Variants in GRIN2A observed in about 807,000 individuals in gnomAD.
GRIN2A encodes glutamate receptor ionotropic, NMDA 2A.
Under a neutral mutation model 113.4 loss-of-function variants are expected in GRIN2A, and 22 were observed. The ratio of observed to expected loss-of-function variants is 0.19; its 90% CI spans 0.14 to 0.28. The LOEUF is 0.28. Ranked by LOEUF, GRIN2A falls within the 10% of genes least tolerant of loss-of-function variation. The pLI is 1.00. For synonymous variants in GRIN2A, 827 were observed against 738.4 expected (o/e 1.12, Z -1.94); for missense variants, 1,502 against 1,887.0 (o/e 0.80, Z 3.78).
At chr16:9,841,850 G>T (rs559492388) in intron 5 of GRIN2A, among the ~76,000 whole-genome samples, 14 of 152,284 alleles carry the variant, frequency 9.2e-5, no homozygotes, top group Admixed American at 3.3e-4. Flanking sequence ...AAAGGCTATT[G>T]TATACTCTAC....
chr16:10,022,778 G>T (rs2046749774), intron 2 of GRIN2A, among the ~76,000 whole-genome samples: 1 of 152,160 alleles, frequency 6.6e-6, no homozygotes, highest in African/African-American at 2.4e-5. Context: ...ATCAGTCAAT[G>T]AACAACCACT....
rs114920410 is a variant in GRIN2A, at chr16:10,092,015, G to C, written c.414+87983C>G. Among the ~76,000 whole-genome samples the C allele has an allele frequency of 2.5e-3, 380 of 152,254 alleles. 4 individuals are homozygous for C. Among genetic ancestry groups the C allele is most frequent in the African/African-American group, 8.9e-3 (369 of 41,538 alleles). ...TTACAATGAGTGCATTTTATGATAA[G>C]TAAATTATATATCAATAAAGGTATT... On this transcript the variant is annotated intron_variant, in intron 2 of 12. Coordinates refer to ENST00000330684, the MANE Select transcript of GRIN2A (RefSeq NM_001134407.3).
chr16:10,132,854 A>G (rs2049095194), intron 2 of GRIN2A, among the ~76,000 whole-genome samples: 1 of 152,236 alleles, frequency 6.6e-6, no homozygotes, highest in Non-Finnish European at 1.5e-5. Flanking sequence ...TGTAAAATGT[A>G]TTAAAGTCCT....
At chr16:9,870,628 CTTTTTTTTT>C (rs951273100) in intron 4 of GRIN2A, among the ~76,000 whole-genome samples, 325 of 138,188 alleles carry the variant, frequency 2.4e-3, no homozygotes, top group African/African-American at 8.4e-3. Flanking sequence ...AACTTTTTTT[CTTTTTTTTT>C]TTTTTTTCTT....
At chr16:10,170,433 G>A (rs769998045) in intron 2 of GRIN2A, among the ~76,000 whole-genome samples, 1 of 152,158 alleles carries the variant, frequency 6.6e-6, no homozygotes, top group Non-Finnish European at 1.5e-5. Flanking sequence ...ATAGCATGGT[G>A]ACAATACAAA....
chr16:9,822,496 A>C (rs1596465103), intron 9 of GRIN2A, 72 bp from the exon 10 acceptor site: 2 of 977,308 alleles, frequency 2.0e-6, no homozygotes. Context: ...AGGAGAGAAC[A>C]AATAATAAAT....
intron 3 of GRIN2A, among the ~76,000 whole-genome samples, chr16:9,906,170 C>A (rs1230470430): frequency 6.6e-6 from 1 of 152,182 alleles, no homozygotes; most frequent in Admixed American, 6.5e-5. Flanking sequence ...GTTCCCACAC[C>A]TCAGTTCTGA....
At chr16:10,109,525 T>A (rs1457748131) in intron 2 of GRIN2A, among the ~76,000 whole-genome samples, 1 of 151,110 alleles carries the variant, frequency 6.6e-6, no homozygotes, top group African/African-American at 2.4e-5. Context: ...CCACAAAATA[T>A]GAGCAGATCA....
rs1900436870 is a variant in GRIN2A at position 9,758,184 on chromosome 16, A to G, written c.*4965T>C. On this transcript the variant is annotated 3_prime_UTR_variant, in exon 13 of 13. Transcript: ENST00000330684. ...AAGACCCTTCTGGGCAGGCACTTCT[A>G]GCTAATACTATACTGAAAGTACTGC... The G allele has an allele frequency of 4.6e-6, 1 of 218,604 alleles. No homozygotes were observed. Among genetic ancestry groups the G allele is most frequent in the Non-Finnish European group, 9.2e-6 (1 of 108,798 alleles). 13.5% of individuals were successfully genotyped at this position (218,604 alleles called of 1,614,324 possible). A position where few individuals can be genotyped will look rare whatever the true frequency, so the allele number is the denominator to read the frequency against.
intron 4 of GRIN2A, among the ~76,000 whole-genome samples, chr16:9,853,377 A>G (rs1436744704): frequency 2.0e-5 from 3 of 152,156 alleles, no homozygotes; most frequent in African/African-American, 7.2e-5. Context: ...TGGAGCCCTC[A>G]TGAATGGGGT....
chr16:9,787,251 T>G (rs1902286431), intron 11 of GRIN2A, among the ~76,000 whole-genome samples: 1 of 152,300 alleles, frequency 6.6e-6, no homozygotes, highest in Admixed American at 6.5e-5. Flanking sequence ...TGAGGCTTCA[T>G]GCACATAAGA....
At chr16:10,177,307 C>T (rs11642171) in intron 2 of GRIN2A, among the ~76,000 whole-genome samples, 3 of 152,016 alleles carry the variant, frequency 2.0e-5, no homozygotes, top group East Asian at 1.9e-4. Flanking sequence ...TATCACCCAA[C>T]TCCTCTCAAT....
intron 2 of GRIN2A, among the ~76,000 whole-genome samples, chr16:10,038,575 G>A (rs1485771340): frequency 3.3e-5 from 5 of 152,010 alleles, no homozygotes; most frequent in Non-Finnish European, 7.4e-5. Context: ...CAGGCGCGGT[G>A]GCTCACGCCT....
At chr16:9,891,243 G>C in intron 3 of GRIN2A, 143 bp from the exon 4 acceptor site, 1 of 684,964 alleles carries the variant, frequency 1.5e-6, no homozygotes, top group Non-Finnish European at 2.7e-6. Flanking sequence ...CTCTGCAGAA[G>C]TATTAATAAC....
intron 2 of GRIN2A, among the ~76,000 whole-genome samples, chr16:10,105,655 G>A (rs1054338844): frequency 7.9e-5 from 12 of 152,068 alleles, no homozygotes; most frequent in South Asian, 4.2e-4. Flanking sequence ...TAATTCCAGC[G>A]CTTAAGGAGG....
chr16:10,168,942 G>A (rs1390545366), intron 2 of GRIN2A, among the ~76,000 whole-genome samples: 1 of 150,362 alleles, frequency 6.7e-6, no homozygotes, highest in Non-Finnish European at 1.5e-5. Context: ...TCCAGCCTGG[G>A]CGACAAGAGC....
At chr16:9,937,728 A>G (rs1396077792) in intron 3 of GRIN2A, 3 of 561,500 alleles carry the variant, frequency 5.3e-6, no homozygotes, top group South Asian at 4.0e-5. Flanking sequence ...TTTCCAAGAT[A>G]TATTGTTGAG....
At chr16:9,943,440 G>C (rs1302872663) in intron 2 of GRIN2A, 1 of 152,178 alleles carries the variant, frequency 6.6e-6, no homozygotes. Context: ...ATTCAATCCT[G>C]TTCCAGAATG....
At chr16:9,941,570 T>C (rs1418924142) in intron 2 of GRIN2A, among the ~76,000 whole-genome samples, 1 of 152,204 alleles carries the variant, frequency 6.6e-6, no homozygotes, top group African/African-American at 2.4e-5. Flanking sequence ...TTACCCACTA[T>C]GCTGATCCCC....
Sources: gnomAD v4.1 joint callset for allele counts (sites outside exome capture counted in the v4.1 genomes callset) on GRCh38, gnomAD v4.1.1 for gene constraint, MANE v1.5 for transcripts, NCBI Gene and HGNC (gene_info 2026-07-23, HGNC 2026-07-21) for gene names.